ZNF335: variants seen among roughly 807,000 people sequenced by gnomAD.
ZNF335 encodes the protein zinc finger protein 335, also known as NRC-interacting factor 1.
Under a neutral mutation model 145.6 loss-of-function variants are expected in ZNF335, and 84 were observed. The ratio of observed to expected loss-of-function variants is 0.58; its 90% CI spans 0.48 to 0.69. The LOEUF is 0.69. Ranked by LOEUF, ZNF335 falls within the 30% of genes least tolerant of loss-of-function variation. ZNF335 has a pLI of 0.00. For missense variants in ZNF335, 1,865 were observed against 1,809.7 expected, an observed-to-expected ratio of 1.03 and a Z score of -0.55; for synonymous variants, 761 against 717.0, an observed-to-expected ratio of 1.06 and a Z score of -0.98.
intron 17 of ZNF335, 103 bp downstream of exon 17, chr20:45,957,483 G>T: frequency 1.8e-6 from 2 of 1,115,408 alleles, no homozygotes; most frequent in Non-Finnish European, 2.6e-6. Flanking sequence ...GCTCCCAAGG[G>T]CGGAGAAGCT....
intron 7 of ZNF335, among the ~76,000 whole-genome samples, chr20:45,965,348 C>T (rs1479137582): frequency 6.6e-6 from 1 of 152,136 alleles, no homozygotes; most frequent in African/African-American, 2.4e-5. Context: ...ATATTTAAAA[C>T]TTATCTTACG....
In ZNF335 at chr20:45,960,887, G is replaced by A. The variant is rs753442467; in HGVS notation, c.1647-5C>T. On this transcript the variant is annotated splice_region_variant and splice_polypyrimidine_tract_variant and intron_variant, in intron 10 of 27. Transcript: ENST00000322927. ...ACCGGATCTGGCCTCTTCTTCCTGT[G>A]GGGAAAAGGCCGAGGAATTAGACCA... 58 of 1,613,446 alleles carry A rather than the reference G, an allele frequency of 3.6e-5. No individual in the cohort carries two copies. In the East Asian group the frequency reaches 1.3e-3, roughly 35 times the overall value.
At position 45,950,490 on chromosome 20, in the gene ZNF335, TTGTG is replaced by T. The variant is rs2083611112; in HGVS notation, c.3291_3294del (p.His1097GlnfsTer54). 4 of 1,614,184 alleles carry T rather than the reference TTGTG, an allele frequency of 2.5e-6. No individual in the cohort carries two copies. Among genetic ancestry groups the T allele is most frequent in the Non-Finnish European group, 3.4e-6 (4 of 1,180,036 alleles). ...AGGTGGCATGCAAAAGGCTTCTCCTTTGTGTGAGTCAGCATGTGCCGACGCAGGT... is the reference window on the plus strand; with the variant it reads ...AGGTGGCATGCAAAAGGCTTCTCCTTTGAGTCAGCATGTGCCGACGCAGGT... On this transcript the variant is annotated frameshift_variant, in exon 21 of 28. Coordinates refer to ENST00000322927, the MANE Select transcript of ZNF335 (RefSeq NM_022095.4). LOFTEE classifies it high-confidence loss of function.
At position 45,969,472 on chromosome 20, in the gene ZNF335, T is replaced by G. The variant is rs1467155235; in HGVS notation, c.421A>C (p.Ile141Leu). 1 of 1,553,416 alleles carries G rather than the reference T, an allele frequency of 6.4e-7. No individual in the cohort carries two copies. Among genetic ancestry groups the G allele is most frequent in the Non-Finnish European group, 8.8e-7 (1 of 1,139,622 alleles). ...SAIDKIIEST[I>L]GPDLIQNCIT... is the part of the protein sequence containing the mutation. ...TCACTCTGGATGAGGTCGGGCCCGA[T>G]GGTGGACTCGATGATCTTGTCGATG... The change falls in exon 3 of 28, where the codon ATC becomes CTC. Residue 141 changes from isoleucine (I) to leucine (L), a missense_variant. Transcript: ENST00000322927.
chr20:45,962,449 C>T (rs984658128), intron 9 of ZNF335, among the ~76,000 whole-genome samples: 1 of 152,238 alleles, frequency 6.6e-6, no homozygotes, highest in Admixed American at 6.5e-5. Flanking sequence ...AGGGACCTTG[C>T]GATGGCAGAG....
At chr20:45,967,121 T>C (rs1318704070) in intron 6 of ZNF335, 1 of 225,512 alleles carries the variant, frequency 4.4e-6, no homozygotes, top group Non-Finnish European at 9.0e-6. Flanking sequence ...CAGGCACCTG[T>C]AGCCCTAGCT....
At chr20:45,968,634 C>T in intron 3 of ZNF335, 1 of 416,054 alleles carries the variant, frequency 2.4e-6, no homozygotes, top group East Asian at 3.5e-5. Flanking sequence ...CTTTGACCAC[C>T]AAACCTGGGA....
intron 3 of ZNF335, 81 bp downstream of exon 3, chr20:45,969,370 G>A (rs1600551710): frequency 7.1e-6 from 10 of 1,401,676 alleles, no homozygotes; most frequent in Non-Finnish European, 9.4e-6. Flanking sequence ...TAATCTGCCT[G>A]AGTTCACACA....
intron 3 of ZNF335, 134 bp from the exon 4 acceptor site, chr20:45,968,496 C>G: frequency 1.3e-6 from 1 of 753,974 alleles, no homozygotes; most frequent in Non-Finnish European, 2.2e-6. Flanking sequence ...CGACTGCAAA[C>G]CAGCTGTGTC....
rs1340700517 is a variant in ZNF335, at chr20:45,952,185, C to T, written c.3151G>A (p.Asp1051Asn). 12 of 1,609,986 alleles carry T rather than the reference C, an allele frequency of 7.5e-6. No homozygotes were observed. Among genetic ancestry groups the T allele is most frequent in the East Asian group, 6.7e-5 (3 of 44,832 alleles). Residue 1051 changes from aspartate (D) to asparagine (N), a missense_variant, in exon 20 of 28, where the codon GAC becomes AAC. Physicochemically the swap from Asp to Asn is conservative, Grantham distance 23. Transcript: ENST00000322927. Reference protein sequence around the residue: ...HAGPGAFKCPDCPFSARQWPE... With the variant: ...HAGPGAFKCPNCPFSARQWPE... Reference sequence around the variant, plus strand: ...CACTGGCGGGCACTGAAGGGGCAGTCGGGGCACTTGAAGGCACCAGGCCCA... The same window carrying T: ...CACTGGCGGGCACTGAAGGGGCAGTTGGGGCACTTGAAGGCACCAGGCCCA...
At chr20:45,971,522 G>T in intron 1 of ZNF335, 62 bp from the exon 2 acceptor site, 1 of 1,511,406 alleles carries the variant, frequency 6.6e-7, no homozygotes, top group Non-Finnish European at 8.8e-7. Context: ...CGGCAACCAC[G>T]GCCACCCATT....
At chr20:45,957,498 T>TA (rs1281226951) in intron 17 of ZNF335, 88 bp downstream of exon 17, 3 of 1,288,384 alleles carry the variant, frequency 2.3e-6, no homozygotes. Context: ...GAAGCTCTGA[T>TA]ACACTGTTTT....
At position 45,949,679 on chromosome 20, in the gene ZNF335, A is replaced by G. The variant is rs144047985; in HGVS notation, c.3670-111T>C. The G allele has an allele frequency of 1.8e-3, 2,646 of 1,434,790 alleles. 6 individuals carry two copies. Among genetic ancestry groups the G allele is most frequent in the Non-Finnish European group, 2.3e-3 (2,431 of 1,038,782 alleles). 88.9% of individuals were successfully genotyped at this position (1,434,790 alleles called of 1,614,324 possible). A position where few individuals can be genotyped will look rare whatever the true frequency, so the allele number is the denominator to read the frequency against. On this transcript the variant is annotated intron_variant, in intron 24 of 27. Transcript: ENST00000322927. Reference sequence around the variant, plus strand: ...TAGGAACAGCCACCAGCAACAATGCAGTTGTTGGCAAGCATGGACCCCAGG... The same window carrying G: ...TAGGAACAGCCACCAGCAACAATGCGGTTGTTGGCAAGCATGGACCCCAGG...
At chr20:45,962,004 C>G (rs917067564) in intron 10 of ZNF335, 66 bp downstream of exon 10, 146 of 1,295,158 alleles carry the variant, frequency 1.1e-4, no homozygotes, top group Admixed American at 9.9e-4. Context: ...CATGGTTATC[C>G]CGGGCCTCCA....
intron 10 of ZNF335, 153 bp downstream of exon 10, chr20:45,961,917 T>G (rs1477873493): frequency 6.3e-6 from 4 of 634,658 alleles, no homozygotes; most frequent in Non-Finnish European, 1.1e-5. Context: ...TGAACTGGGG[T>G]GAACTGCCTT....
At position 45,962,189 on chromosome 20, in the gene ZNF335, G is replaced by A; in HGVS notation, c.1534-7C>T. On this transcript the variant is annotated splice_region_variant and splice_polypyrimidine_tract_variant and intron_variant, in intron 9 of 27. Coordinates refer to ENST00000322927, the MANE Select transcript of ZNF335 (RefSeq NM_022095.4). The stretch of plus-strand genomic sequence containing the variant: ...CGTGGTTGAACATGTGCTCCTGGGA[G>A]ACAGACAAAAGGATGGTGGGCTGGG... The A allele has an allele frequency of 6.2e-7, 1 of 1,612,624 alleles. No homozygotes were observed. Among genetic ancestry groups the A allele is most frequent in the Non-Finnish European group, 8.5e-7 (1 of 1,178,730 alleles).
rs1431467433 is a variant in ZNF335 at position 45,961,942 on chromosome 20, T to C, written c.1646+128A>G. Reference sequence around the variant, plus strand: ...TGAACTGCCTTTCTGCTCATGCCTGTAGTGTGCAGCAAATGGGGCTGGCTC... The same window carrying C: ...TGAACTGCCTTTCTGCTCATGCCTGCAGTGTGCAGCAAATGGGGCTGGCTC... On this transcript the variant is annotated intron_variant, in intron 10 of 27. Coordinates refer to ENST00000322927, the MANE Select transcript of ZNF335 (RefSeq NM_022095.4). 5 of 739,436 alleles carry C rather than the reference T, an allele frequency of 6.8e-6. No individual in the cohort carries two copies. The East Asian group carries it at 1.3e-4, about 20-fold the overall frequency. The allele number at this position is 739,436 out of a possible 1,614,324, so 45.8% of individuals were successfully genotyped here. A position where few individuals can be genotyped will look rare whatever the true frequency, so the allele number is the denominator to read the frequency against.
Position 45,953,738 on chromosome 20 carries a change from T to C in ZNF335, c.2653A>G (p.Thr885Ala), listed in dbSNP as rs200004418. Reference protein sequence around the residue: ...PFGGTGYSVITAPPMEEGTSA... With the variant: ...PFGGTGYSVIAAPPMEEGTSA... ...GTTCCCTCCTCCATAGGGGGTGCTG[T>C]GATGACACTGTAGCCAGTCCCACCA... is the stretch of plus-strand genomic sequence containing the variant. The change falls in exon 18 of 28, where the codon ACA becomes GCA. Residue 885 changes from threonine (T) to alanine (A), a missense_variant. Thr to Ala is a moderately conservative substitution (Grantham distance 58). Coordinates refer to ENST00000322927, the MANE Select transcript of ZNF335 (RefSeq NM_022095.4). 168 of 1,614,066 alleles carry C rather than the reference T, an allele frequency of 1.0e-4. 4 individuals are homozygous for C. The South Asian group carries it at 1.5e-3, about 15-fold the overall frequency.
chr20:45,969,715 G>C lies in ZNF335; in HGVS notation c.202-24C>G, dbSNP rs758027766. On this transcript the variant is annotated intron_variant, in intron 2 of 27. Transcript: ENST00000322927. ...TCCTGAGGGGCATGAAACAGGGAGG[G>C]AAAAAGTTTAGCAGCTGGGTATGGG... is the stretch of plus-strand genomic sequence containing the variant. 34 of 1,606,856 alleles carry C rather than the reference G, an allele frequency of 2.1e-5. No homozygotes were observed. The East Asian group carries it at 7.1e-4, about 34-fold the overall frequency.
Sources: allele counts gnomAD v4.1 joint callset (sites outside exome capture counted in the v4.1 genomes callset), GRCh38; gene constraint gnomAD v4.1.1; transcripts MANE v1.5; gene names NCBI Gene and HGNC (gene_info 2026-07-23, HGNC 2026-07-21).